The following MYMX variants were observed in gnomAD, a reference collection of about 807,000 sequenced individuals.
MYMX encodes the protein protein myomixer.
chr6:44,195,388 C>T, the MYMX span, among the ~76,000 whole-genome samples: 2 of 152,194 alleles, frequency 1.3e-5, no homozygotes, highest in Non-Finnish European at 2.9e-5. Context: ...CCCTGTGGAA[C>T]ATCGCCATCT....
At chr6:44,213,508 G>A (rs1937290677), upstream of MYMX, among the ~76,000 whole-genome samples, 2 of 148,486 alleles carry the variant, frequency 1.3e-5, no homozygotes, top group Non-Finnish European at 3.0e-5. Flanking sequence ...TGCAACCTCC[G>A]CCTCCCGGGC....
chr6:44,208,246 C>CAAAA, the MYMX span, among the ~76,000 whole-genome samples: 1 of 123,274 alleles, frequency 8.1e-6, no homozygotes. Context: ...GATCTTGTCT[C>CAAAA]AAAAAAAAAA....
the MYMX span, among the ~76,000 whole-genome samples, chr6:44,193,431 T>C: frequency 1.3e-5 from 2 of 152,038 alleles, no homozygotes; most frequent in East Asian, 3.9e-4. Flanking sequence ...TCCTAACAAA[T>C]TGGCTCCATT....
chr6:44,196,656 C>T, the MYMX span, among the ~76,000 whole-genome samples: 264 of 151,734 alleles, frequency 1.7e-3, 3 homozygotes, highest in African/African-American at 5.6e-3. Context: ...GAGTAAGGCT[C>T]GGTCTCCAAA....
chr6:44,207,566 CTTG>C, the MYMX span, among the ~76,000 whole-genome samples: 3 of 150,490 alleles, frequency 2.0e-5, no homozygotes, highest in African/African-American at 7.3e-5. Flanking sequence ...GAGTTTCACT[CTTG>C]TTGCCCAGGC....
the MYMX span, among the ~76,000 whole-genome samples, chr6:44,194,611 G>A: frequency 3.3e-5 from 5 of 152,210 alleles, no homozygotes; most frequent in Admixed American, 3.3e-4. Context: ...GGCTGGAGAG[G>A]AAAGGCAGGG....
upstream of MYMX, among the ~76,000 whole-genome samples, chr6:44,214,012 TCTCA>T (rs1486925219): frequency 2.0e-5 from 3 of 152,198 alleles, no homozygotes; most frequent in South Asian, 4.2e-4. Flanking sequence ...AGAGACAGAG[TCTCA>T]CTATGTTGCC....
chr6:44,217,117 G>A (rs1279471175), intron 1 of MYMX, 149 bp downstream of exon 1: 2 of 235,044 alleles, frequency 8.5e-6, no homozygotes, highest in Non-Finnish European at 1.6e-5. Context: ...GGGAACTCCA[G>A]GGGCATTGAG....
chr6:44,211,352 T>G, the MYMX span, among the ~76,000 whole-genome samples: 1 of 152,142 alleles, frequency 6.6e-6, no homozygotes, highest in Non-Finnish European at 1.5e-5. Flanking sequence ...ATACTTTCGG[T>G]TAGGAAACTT....
the MYMX span, among the ~76,000 whole-genome samples, chr6:44,193,645 A>C: frequency 6.6e-5 from 10 of 152,140 alleles, no homozygotes; most frequent in African/African-American, 9.7e-5. Flanking sequence ...CCTAAAATGA[A>C]TCCAATCACA....
the MYMX span, among the ~76,000 whole-genome samples, chr6:44,201,219 A>C: frequency 1.3e-5 from 2 of 152,158 alleles, no homozygotes; most frequent in Non-Finnish European, 2.9e-5. Flanking sequence ...TCACTCAGGT[A>C]GGTGGTTTCT....
the MYMX span, among the ~76,000 whole-genome samples, chr6:44,207,440 T>G: frequency 2.6e-4 from 39 of 151,106 alleles, no homozygotes; most frequent in African/African-American, 8.3e-4. Context: ...TGCCTGGTGG[T>G]CTTTGCTTTC....
the MYMX span, among the ~76,000 whole-genome samples, chr6:44,208,875 T>C: frequency 6.6e-6 from 1 of 151,894 alleles, no homozygotes; most frequent in Non-Finnish European, 1.5e-5. Context: ...ACAGCACCTC[T>C]TCTACACAGT....
upstream of MYMX, among the ~76,000 whole-genome samples, chr6:44,216,238 T>C (rs1241200930): frequency 1.3e-5 from 2 of 152,232 alleles, no homozygotes; most frequent in Non-Finnish European, 2.9e-5. Flanking sequence ...TTTAGGCAAG[T>C]GGGTCTCATA....
chr6:44,196,604 G>A, the MYMX span, among the ~76,000 whole-genome samples: 1 of 152,140 alleles, frequency 6.6e-6, no homozygotes, highest in Non-Finnish European at 1.5e-5. Context: ...ACTTGCACCC[G>A]GGAGGCGGAA....
chr6:44,207,742 GC>G, the MYMX span, among the ~76,000 whole-genome samples: 8 of 151,814 alleles, frequency 5.3e-5, no homozygotes, highest in African/African-American at 1.9e-4. Context: ...TGTTGGTCAG[GC>G]TGGTCTCGAA....
chr6:44,206,434 G>C, the MYMX span, among the ~76,000 whole-genome samples: 1 of 152,042 alleles, frequency 6.6e-6, no homozygotes, highest in Non-Finnish European at 1.5e-5. Context: ...GTTTTGCTGT[G>C]TTGGCCAGGC....
At chr6:44,195,341 A>G in the MYMX span, among the ~76,000 whole-genome samples, 1 of 152,116 alleles carries the variant, frequency 6.6e-6, no homozygotes, top group Non-Finnish European at 1.5e-5. Flanking sequence ...TTTTAAAGGA[A>G]TAACACATTA....
the MYMX span, among the ~76,000 whole-genome samples, chr6:44,206,939 A>C: frequency 6.6e-6 from 1 of 152,126 alleles, no homozygotes; most frequent in Non-Finnish European, 1.5e-5. Context: ...TGTTTGTCTT[A>C]ATAAGAGGTC....
Sources: allele counts gnomAD v4.1 joint callset (sites outside exome capture counted in the v4.1 genomes callset), GRCh38; gene constraint gnomAD v4.1.1; transcripts MANE v1.5; gene names NCBI Gene and HGNC (gene_info 2026-07-23, HGNC 2026-07-21).